BNC2: variants seen among roughly 807,000 people sequenced by gnomAD.
The protein encoded by BNC2 is basonuclin zinc finger protein 2.
BNC2 carries 20 observed loss-of-function variants against 76.3 expected under a neutral mutation model. The observed-to-expected ratio is 0.26, with a 90% CI of 0.18 to 0.38. BNC2 has a LOEUF of 0.38. Among genes scored for constraint, BNC2 ranks in the 10% least tolerant of loss-of-function variants. BNC2 has a pLI of 1.00. For synonymous variants in BNC2, 582 were observed against 514.8 expected (o/e 1.13, Z -1.77); for missense variants, 1,382 against 1,399.8 (o/e 0.99, Z 0.20).
chr9:16,662,986 T>C (rs1243978504), intron 3 of BNC2, among the ~76,000 whole-genome samples: 1 of 151,972 alleles, frequency 6.6e-6, no homozygotes, highest in African/African-American at 2.4e-5. Flanking sequence ...CTCAAGGAGG[T>C]TACAGTCTAT....
At chr9:16,591,362 T>C (rs1819924618) in intron 3 of BNC2, among the ~76,000 whole-genome samples, 1 of 152,064 alleles carries the variant, frequency 6.6e-6, no homozygotes, top group African/African-American at 2.4e-5. Flanking sequence ...CAACCAAGTA[T>C]CAAAAGGAGA....
intron 1 of BNC2, among the ~76,000 whole-genome samples, chr9:16,739,498 G>A (rs1454668384): frequency 3.3e-5 from 5 of 152,130 alleles, no homozygotes; most frequent in South Asian, 4.1e-4. Context: ...GTGAAACCCC[G>A]TCTCTACTAA....
intron 5 of BNC2, among the ~76,000 whole-genome samples, chr9:16,544,717 G>A (rs1300420483): frequency 6.6e-6 from 1 of 151,588 alleles, no homozygotes; most frequent in African/African-American, 2.4e-5. Flanking sequence ...GGCTGAGGCA[G>A]GAGAATCACC....
At chr9:16,512,459 A>G (rs7028447) in intron 5 of BNC2, among the ~76,000 whole-genome samples, 16,874 of 151,824 alleles carry the variant, frequency 0.11, 1,255 homozygotes, top group East Asian at 0.29. Context: ...CAGCAGTCCT[A>G]AAGACCAATA....
intron 5 of BNC2, among the ~76,000 whole-genome samples, chr9:16,538,069 C>T (rs1818182432): frequency 6.6e-6 from 1 of 152,108 alleles, no homozygotes. Flanking sequence ...TCAAAGTTAT[C>T]CTAAAATATG....
chr9:16,479,679 C>T (rs1474939842), intron 5 of BNC2, among the ~76,000 whole-genome samples: 1 of 152,164 alleles, frequency 6.6e-6, no homozygotes, highest in African/African-American at 2.4e-5. Flanking sequence ...TTCCTGATAT[C>T]ACTGGGTCAG....
At chr9:16,744,341 G>A (rs1176876809) in intron 1 of BNC2, among the ~76,000 whole-genome samples, 1 of 152,162 alleles carries the variant, frequency 6.6e-6, no homozygotes, top group Admixed American at 6.5e-5. Context: ...AAAAACGTGG[G>A]AGAGACTTAG....
intron 5 of BNC2, among the ~76,000 whole-genome samples, chr9:16,506,794 C>G (rs1289902006): frequency 6.6e-6 from 1 of 151,516 alleles, no homozygotes; most frequent in Non-Finnish European, 1.5e-5. Flanking sequence ...TCTTGTCACC[C>G]AGGCTGGAGT....
chr9:16,832,687 G>C (rs192402679), intron 1 of BNC2, among the ~76,000 whole-genome samples: 13 of 152,158 alleles, frequency 8.5e-5, no homozygotes. Flanking sequence ...AGTGGTAAGA[G>C]CTGAACAAAA....
chr9:16,623,617 T>C (rs1820920083), intron 3 of BNC2, among the ~76,000 whole-genome samples: 1 of 152,226 alleles, frequency 6.6e-6, no homozygotes, highest in Non-Finnish European at 1.5e-5. Flanking sequence ...CTAACTTACA[T>C]GCAAGAAAAA....
intron 3 of BNC2, among the ~76,000 whole-genome samples, chr9:16,600,801 G>C (rs1439287524): frequency 6.6e-6 from 1 of 152,142 alleles, no homozygotes; most frequent in Admixed American, 6.5e-5. Context: ...AATAAAGTTA[G>C]TTTGTGTATG....
intron 1 of BNC2, among the ~76,000 whole-genome samples, chr9:16,855,767 C>T (rs1436332363): frequency 2.0e-5 from 3 of 151,228 alleles, no homozygotes; most frequent in Non-Finnish European, 4.4e-5. Context: ...CCAGGATGGT[C>T]TCGATCTCCT....
In BNC2 at chr9:16,642,100, A is replaced by G. The variant is rs530330520; in HGVS notation, c.331-59015T>C. 3.9e-5 allele frequency among the ~76,000 whole-genome samples: 6 copies of G among 152,334 alleles called. No homozygotes were observed. The East Asian group carries it at 7.7e-4, about 20-fold the overall frequency. On this transcript the variant is annotated intron_variant, in intron 3 of 6. Coordinates refer to ENST00000380672, the MANE Select transcript of BNC2 (RefSeq NM_017637.6). ...CAAAATAAGTAGTGACCCTTCTTCT[A>G]AAACACTCACCTGATACTAGAAAAT... is the stretch of plus-strand genomic sequence containing the variant.
intron 5 of BNC2, among the ~76,000 whole-genome samples, chr9:16,494,411 A>C (rs1822342177): frequency 6.6e-6 from 1 of 152,066 alleles, no homozygotes; most frequent in Admixed American, 6.6e-5. Flanking sequence ...TTGGCCTCCC[A>C]AAGTGCTGAG....
Position 16,656,428 on chromosome 9 carries a change from T to C in BNC2, c.330+71369A>G, listed in dbSNP as rs994102837. Among the ~76,000 whole-genome samples, 6 of 152,104 alleles carry C rather than the reference T, an allele frequency of 3.9e-5. No individual in the cohort carries two copies. The East Asian group carries it at 1.2e-3, about 29-fold the overall frequency. On this transcript the variant is annotated intron_variant, in intron 3 of 6. Coordinates refer to ENST00000380672, the MANE Select transcript of BNC2 (RefSeq NM_017637.6). ...GGAGAGACAGAATTCACAGTACCAGTAGGAGAAACAGCCTCAAGAATGTTG... is the reference window on the plus strand; with the variant it reads ...GGAGAGACAGAATTCACAGTACCAGCAGGAGAAACAGCCTCAAGAATGTTG...
At chr9:16,809,413 A>G (rs1817992059) in intron 1 of BNC2, among the ~76,000 whole-genome samples, 1 of 152,116 alleles carries the variant, frequency 6.6e-6, no homozygotes, top group South Asian at 2.1e-4. Flanking sequence ...CAGTGTTAGG[A>G]TAAGAGCCCT....
intron 1 of BNC2, among the ~76,000 whole-genome samples, chr9:16,831,912 G>A (rs1246078701): frequency 1.3e-5 from 2 of 152,092 alleles, no homozygotes; most frequent in Admixed American, 1.3e-4. Context: ...TATTAGATTT[G>A]CACTCCTATC....
intron 1 of BNC2, among the ~76,000 whole-genome samples, chr9:16,785,487 C>G (rs949041319): frequency 6.6e-6 from 1 of 151,842 alleles, no homozygotes; most frequent in African/African-American, 2.4e-5. Flanking sequence ...CTCCACCTCC[C>G]AGGTTCAAGC....
intron 1 of BNC2, among the ~76,000 whole-genome samples, chr9:16,858,456 C>A (rs1819316494): frequency 6.6e-6 from 1 of 152,102 alleles, no homozygotes; most frequent in Non-Finnish European, 1.5e-5. Context: ...TTTAATGTAG[C>A]CTTTACTCTT....
Sources: gnomAD v4.1 joint callset for allele counts (sites outside exome capture counted in the v4.1 genomes callset) on GRCh38, gnomAD v4.1.1 for gene constraint, MANE v1.5 for transcripts, NCBI Gene and HGNC (gene_info 2026-07-23, HGNC 2026-07-21) for gene names.